Variants in KLF12 observed in about 807,000 individuals in gnomAD.
The protein encoded by KLF12 is Krueppel-like factor 12.
KLF12 carries 9 observed loss-of-function variants against 37.8 expected under a neutral mutation model. The observed-to-expected ratio is 0.24, with a 90% CI of 0.14 to 0.42. The LOEUF (loss-of-function observed/expected upper bound fraction) is 0.42, where lower values mean the gene tolerates loss of function less well. KLF12 is among the 10% of genes least tolerant of loss of function. The pLI is 1.00. For synonymous variants in KLF12, 208 were observed against 202.1 expected, an observed-to-expected ratio of 1.03 and a Z score of -0.25; for missense variants, 411 against 516.0, an observed-to-expected ratio of 0.80 and a Z score of 1.97.
chr13:74,154,367 CA>C, the KLF12 span, among the ~76,000 whole-genome samples: 1 of 152,052 alleles, frequency 6.6e-6, no homozygotes, highest in Non-Finnish European at 1.5e-5. Context: ...CATCCCTAGA[CA>C]AAAAAATTAT....
intron 3 of KLF12, among the ~76,000 whole-genome samples, chr13:73,876,533 C>T (rs1306483186): frequency 6.6e-6 from 1 of 152,170 alleles, no homozygotes; most frequent in East Asian, 1.9e-4. Flanking sequence ...AAAACATGTA[C>T]TCTAGGCTGA....
the KLF12 span, among the ~76,000 whole-genome samples, chr13:74,199,047 G>A: frequency 6.6e-6 from 1 of 152,204 alleles, no homozygotes; most frequent in African/African-American, 2.4e-5. Flanking sequence ...GAACCAGCAT[G>A]AGAACAGCCC....
At chr13:74,243,963 A>C in the KLF12 span, among the ~76,000 whole-genome samples, 10 of 152,186 alleles carry the variant, frequency 6.6e-5, no homozygotes, top group African/African-American at 2.2e-4. Flanking sequence ...GTTTTAATGA[A>C]CATATGTTGG....
chr13:74,189,267 A>C, the KLF12 span, among the ~76,000 whole-genome samples: 1 of 152,204 alleles, frequency 6.6e-6, no homozygotes, highest in Non-Finnish European at 1.5e-5. Flanking sequence ...TGGTAGACTC[A>C]TAAGAAAAAC....
At chr13:74,083,051 T>A (rs1160471054) in intron 1 of KLF12, among the ~76,000 whole-genome samples, 1 of 152,208 alleles carries the variant, frequency 6.6e-6, no homozygotes, top group Non-Finnish European at 1.5e-5. Context: ...TACCTTGGGT[T>A]ATCTGACAAC....
At chr13:73,984,327 C>T (rs1163414704) in intron 2 of KLF12, among the ~76,000 whole-genome samples, 1 of 152,240 alleles carries the variant, frequency 6.6e-6, no homozygotes, top group East Asian at 1.9e-4. Context: ...CTCACACACA[C>T]TGTCGCCTAT....
At chr13:73,796,614 A>G (rs1036600220) in intron 5 of KLF12, among the ~76,000 whole-genome samples, 1 of 151,572 alleles carries the variant, frequency 6.6e-6, no homozygotes, top group Non-Finnish European at 1.5e-5. Context: ...GGTCCTTGAT[A>G]TCTGTTCCTG....
At chr13:74,045,817 G>A (rs1893528592) in intron 1 of KLF12, among the ~76,000 whole-genome samples, 1 of 152,142 alleles carries the variant, frequency 6.6e-6, no homozygotes, top group South Asian at 2.1e-4. Context: ...ACCTGCAATG[G>A]GAGGGCATCC....
chr13:73,852,948 C>A (rs368226607), intron 3 of KLF12, among the ~76,000 whole-genome samples: 81 of 149,310 alleles, frequency 5.4e-4, no homozygotes, highest in African/African-American at 1.9e-3. Context: ...CAGCTCATTG[C>A]AAGCTCCGCC....
chr13:73,925,866 C>T (rs114988913), intron 3 of KLF12, among the ~76,000 whole-genome samples: 1,595 of 152,138 alleles, frequency 0.01, 30 homozygotes, highest in African/African-American at 0.034. Context: ...AAGACTTCAG[C>T]GGAGGAAGGA....
chr13:74,050,074 A>G (rs549260253), intron 1 of KLF12, among the ~76,000 whole-genome samples: 2 of 152,272 alleles, frequency 1.3e-5, no homozygotes, highest in South Asian at 4.2e-4. Context: ...CTTGACAAAA[A>G]CAGGCCACAT....
intron 3 of KLF12, among the ~76,000 whole-genome samples, chr13:73,895,822 CT>C (rs201728570): frequency 0.028 from 4,091 of 143,946 alleles, 83 homozygotes; most frequent in African/African-American, 0.063. Flanking sequence ...CCATGGAATT[CT>C]TTTTTTTTTT....
At chr13:74,042,494 T>C (rs766559217) in intron 1 of KLF12, among the ~76,000 whole-genome samples, 1 of 152,100 alleles carries the variant, frequency 6.6e-6, no homozygotes, top group Non-Finnish European at 1.5e-5. Flanking sequence ...GGTCAGAGTG[T>C]CCCAAAGATT....
chr13:74,066,409 C>T (rs111345925), intron 1 of KLF12, among the ~76,000 whole-genome samples: 2 of 152,084 alleles, frequency 1.3e-5, no homozygotes, highest in East Asian at 3.9e-4. Context: ...GGCCTATAAT[C>T]CCAACACTTT....
At chr13:73,697,563 C>A (rs1037022048) in intron 7 of KLF12, among the ~76,000 whole-genome samples, 2 of 152,114 alleles carry the variant, frequency 1.3e-5, no homozygotes, top group Admixed American at 6.5e-5. Context: ...TATCTACATG[C>A]TTTTACGTGT....
chr13:74,032,898 C>T (rs544593773), intron 1 of KLF12, among the ~76,000 whole-genome samples: 1 of 152,272 alleles, frequency 6.6e-6, no homozygotes, highest in South Asian at 2.1e-4. Context: ...AAATTTTAAA[C>T]AGAAATATGT....
At chr13:74,086,876 A>C (rs1167428222) in intron 1 of KLF12, among the ~76,000 whole-genome samples, 2 of 152,196 alleles carry the variant, frequency 1.3e-5, no homozygotes. Flanking sequence ...TGTTATTAAG[A>C]AAATCATAAG....
At chr13:74,198,909 A>G in the KLF12 span, among the ~76,000 whole-genome samples, 4 of 152,212 alleles carry the variant, frequency 2.6e-5, no homozygotes, top group East Asian at 1.9e-4. Flanking sequence ...TGGAGACTCC[A>G]TGAGTCAGCT....
chr13:74,183,535 T>G, the KLF12 span, among the ~76,000 whole-genome samples: 1 of 152,162 alleles, frequency 6.6e-6, no homozygotes, highest in African/African-American at 2.4e-5. Flanking sequence ...TTTCTGGTTA[T>G]GAAAACATAA....
Sources: allele counts gnomAD v4.1 joint callset (sites outside exome capture counted in the v4.1 genomes callset), GRCh38; gene constraint gnomAD v4.1.1; transcripts MANE v1.5; gene names NCBI Gene and HGNC (gene_info 2026-07-23, HGNC 2026-07-21).